The following CC2D2A variants were observed in gnomAD, a reference collection of about 807,000 sequenced individuals.
CC2D2A encodes the protein coiled-coil and C2 domain containing 2A, also known as coiled-coil and C2 domain-containing protein 2A.
Under a neutral mutation model 212.9 loss-of-function variants are expected in CC2D2A, and 155 were observed. The ratio of observed to expected loss-of-function variants is 0.73; its 90% confidence interval spans 0.64 to 0.83. The LOEUF (loss-of-function observed/expected upper bound fraction) is 0.83. Ranked by LOEUF, CC2D2A falls within the 40% of genes least tolerant of loss-of-function variation. CC2D2A has a pLI of 0.00. For missense variants in CC2D2A, 1,856 were observed against 1,956.2 expected, an observed-to-expected ratio of 0.95 and a Z score of 0.97; for synonymous variants, 667 against 686.5, an observed-to-expected ratio of 0.97 and a Z score of 0.44.
intron 4 of CC2D2A, among the ~76,000 whole-genome samples, chr4:15,500,098 T>TAC (rs1560151825): frequency 8.4e-5 from 5 of 59,724 alleles, no homozygotes; most frequent in African/African-American, 2.5e-4. Flanking sequence ...TGTGTGTGTG[T>TAC]GTGTGTGTGT....
chr4:15,601,190 T>G, intron 36 of CC2D2A, 47 bp from the exon 37 acceptor site: 1 of 1,466,828 alleles, frequency 6.8e-7, no homozygotes, highest in Non-Finnish European at 9.4e-7. Flanking sequence ...AAAAATGTAT[T>G]AAATCTTCAA....
At chr4:15,575,170 A>C (rs913585656) in intron 29 of CC2D2A, among the ~76,000 whole-genome samples, 18 of 152,216 alleles carry the variant, frequency 1.2e-4, no homozygotes, top group African/African-American at 2.4e-4. Flanking sequence ...CATCAACAAC[A>C]ACCACCATGA....
chr4:15,522,669 T>G (rs557786411), intron 11 of CC2D2A, among the ~76,000 whole-genome samples: 1 of 152,256 alleles, frequency 6.6e-6, no homozygotes, highest in Non-Finnish European at 1.5e-5. Context: ...AGAAAAACTG[T>G]TAAACTTCCA....
At chr4:15,490,607 A>T (rs566735209) in intron 4 of CC2D2A, among the ~76,000 whole-genome samples, 2 of 152,238 alleles carry the variant, frequency 1.3e-5, no homozygotes, top group Middle Eastern at 3.4e-3. Flanking sequence ...GTTGCTGTGA[A>T]CACTTGCAAA....
intron 4 of CC2D2A, among the ~76,000 whole-genome samples, chr4:15,497,204 C>T (rs1158721432): frequency 1.3e-5 from 2 of 152,158 alleles, no homozygotes; most frequent in African/African-American, 2.4e-5. Context: ...GGTACAGGTA[C>T]AAAAACAGGC....
At chr4:15,537,799 G>A in intron 15 of CC2D2A, 100 bp from the exon 16 acceptor site, 1 of 1,253,444 alleles carries the variant, frequency 8.0e-7, no homozygotes, top group Non-Finnish European at 1.1e-6. Context: ...GTTGAAATGG[G>A]GCTGGGGTTT....
rs760016592 is a variant in CC2D2A, at chr4:15,553,278, T to C, written c.2459T>C (p.Leu820Ser). The change falls in exon 19 of 37, where the codon TTG becomes TCG. Residue 820 changes from leucine (L) to serine (S), a missense_variant. Transcript: ENST00000424120. ...GENGIPLIPPLSQQNIGFRSA... is the reference protein window; with the variant it reads ...GENGIPLIPPSSQQNIGFRSA... ...AACGGGATACCTTTAATTCCTCCAT[T>C]GTCACAGCAGAACATCGGATTTCGG... 1 of 1,613,162 alleles carries C rather than the reference T, an allele frequency of 6.2e-7. No individual in the cohort carries two copies. Among genetic ancestry groups the C allele is most frequent in the Non-Finnish European group, 8.5e-7 (1 of 1,179,568 alleles).
At chr4:15,483,261 C>T (rs1224312252) in intron 4 of CC2D2A, among the ~76,000 whole-genome samples, 1 of 152,100 alleles carries the variant, frequency 6.6e-6, no homozygotes, top group East Asian at 1.9e-4. Flanking sequence ...GCTGGACTGC[C>T]CTAGGCAGGC....
chr4:15,582,326 C>A (rs1043746601), intron 30 of CC2D2A, among the ~76,000 whole-genome samples: 1 of 151,768 alleles, frequency 6.6e-6, no homozygotes, highest in African/African-American at 2.4e-5. Flanking sequence ...AGAATCTAAA[C>A]CCAAATTAAG....
At chr4:15,595,475 G>A (rs1343410078) in intron 33 of CC2D2A, among the ~76,000 whole-genome samples, 1 of 152,116 alleles carries the variant, frequency 6.6e-6, no homozygotes, top group Non-Finnish European at 1.5e-5. Flanking sequence ...TTTCTAAGAG[G>A]TACAGATTAA....
chr4:15,495,328 T>G (rs778020748), intron 4 of CC2D2A, among the ~76,000 whole-genome samples: 29 of 152,120 alleles, frequency 1.9e-4, no homozygotes, highest in Non-Finnish European at 4.0e-4. Context: ...AGGCTGGTCT[T>G]GAACTTCTGA....
chr4:15,531,881 A>G (rs923371466), intron 13 of CC2D2A, among the ~76,000 whole-genome samples: 2 of 152,224 alleles, frequency 1.3e-5, no homozygotes, highest in Non-Finnish European at 2.9e-5. Context: ...CAGGGGTGAT[A>G]ACAGCTAAAG....
chr4:15,499,940 C>T (rs527260738), intron 4 of CC2D2A, among the ~76,000 whole-genome samples: 54 of 150,824 alleles, frequency 3.6e-4, no homozygotes, highest in African/African-American at 1.3e-3. Context: ...GAGGAGGAAA[C>T]GGGTACTAAT....
chr4:15,566,467 C>A (rs1343362371), intron 24 of CC2D2A, among the ~76,000 whole-genome samples: 1 of 152,090 alleles, frequency 6.6e-6, no homozygotes, highest in Non-Finnish European at 1.5e-5. Context: ...GCAGGTCCCC[C>A]ATTCAGGCGC....
At chr4:15,500,081 G>C in intron 4 of CC2D2A, among the ~76,000 whole-genome samples, 1 of 53,642 alleles carries the variant, frequency 1.9e-5, no homozygotes, top group African/African-American at 7.8e-5. Flanking sequence ...TAGATTGTGT[G>C]TGTGTGTGTG....
At chr4:15,503,232 G>T (rs1260160530) in intron 6 of CC2D2A, among the ~76,000 whole-genome samples, 1 of 152,122 alleles carries the variant, frequency 6.6e-6, no homozygotes, top group Non-Finnish European at 1.5e-5. Flanking sequence ...AGGCCCAGGA[G>T]TTCAAAGCTG....
At chr4:15,548,766 G>T (rs1011522496) in intron 17 of CC2D2A, among the ~76,000 whole-genome samples, 5 of 152,070 alleles carry the variant, frequency 3.3e-5, no homozygotes, top group African/African-American at 9.7e-5. Context: ...TAAGAGTGTT[G>T]GGTCAAGCAA....
chr4:15,596,347 G>A (rs2148493662), intron 34 of CC2D2A, 140 bp downstream of exon 34: 1 of 643,656 alleles, frequency 1.6e-6, no homozygotes, highest in East Asian at 3.2e-5. Context: ...CTCACAACAA[G>A]AAACAGATAT....
chr4:15,567,537 GA>G, intron 25 of CC2D2A, 55 bp downstream of exon 25: 1 of 1,476,536 alleles, frequency 6.8e-7, no homozygotes, highest in Non-Finnish European at 9.3e-7. Flanking sequence ...TTTAAGAAAT[GA>G]CTGTAAACTT....
Sources: gnomAD v4.1 joint callset for allele counts (sites outside exome capture counted in the v4.1 genomes callset) on GRCh38, gnomAD v4.1.1 for gene constraint, MANE v1.5 for transcripts, NCBI Gene and HGNC (gene_info 2026-07-23, HGNC 2026-07-21) for gene names.